The following C10orf90 variants were observed in gnomAD, a reference collection of about 807,000 sequenced individuals.
C10orf90 encodes (E2-independent) E3 ubiquitin-conjugating enzyme FATS.
C10orf90 carries 56 observed loss-of-function variants against 62.5 expected under a neutral mutation model. That is an observed-to-expected ratio of 0.90 (90% CI 0.72 to 1.12). The LOEUF (loss-of-function observed/expected upper bound fraction) is 1.12. Ranked by LOEUF, C10orf90 falls within the 50% of genes most tolerant of loss-of-function variation. The probability of loss-of-function intolerance (pLI) is 0.00; values close to 1 mark genes in which losing one functional copy is unlikely to be tolerated. For synonymous variants in C10orf90, 386 were observed against 340.4 expected (o/e 1.13, Z -1.47); for missense variants, 970 against 880.4 (o/e 1.10, Z -1.29).
intron 7 of C10orf90, among the ~76,000 whole-genome samples, chr10:126,444,558 G>A (rs1858619377): frequency 6.6e-6 from 1 of 152,128 alleles, no homozygotes. Context: ...CATGCTCATG[G>A]ATGGGTAAAA....
intron 2 of C10orf90, among the ~76,000 whole-genome samples, chr10:126,544,922 G>A: frequency 6.6e-6 from 1 of 152,144 alleles, no homozygotes; most frequent in East Asian, 1.9e-4. Flanking sequence ...GGTGACAAAT[G>A]TTGAAGCCAA....
At chr10:126,490,279 C>G (rs1842199704) in intron 4 of C10orf90, among the ~76,000 whole-genome samples, 1 of 150,700 alleles carries the variant, frequency 6.6e-6, no homozygotes, top group African/African-American at 2.4e-5. Flanking sequence ...CACAAAAGAA[C>G]AGATATTGTA....
intron 2 of C10orf90, among the ~76,000 whole-genome samples, chr10:126,516,440 T>C (rs777203390): frequency 1.3e-5 from 2 of 152,214 alleles, no homozygotes; most frequent in African/African-American, 2.4e-5. Flanking sequence ...ATCCCAGATC[T>C]TGTTACTCGT....
chr10:126,443,192 C>T (rs1452441524), intron 7 of C10orf90, among the ~76,000 whole-genome samples: 1 of 151,874 alleles, frequency 6.6e-6, no homozygotes, highest in African/African-American at 2.4e-5. Context: ...TTGAAACACA[C>T]ACATACACAA....
chr10:126,470,611 A>C (rs1418629137), intron 4 of C10orf90, among the ~76,000 whole-genome samples: 1 of 152,132 alleles, frequency 6.6e-6, no homozygotes, highest in Non-Finnish European at 1.5e-5. Context: ...CTAGCCAAGC[A>C]TGGTGGTATG....
intron 7 of C10orf90, among the ~76,000 whole-genome samples, chr10:126,441,228 A>G (rs1035070742): frequency 4.6e-5 from 7 of 152,176 alleles, no homozygotes; most frequent in African/African-American, 7.2e-5. Context: ...ACACTTATAG[A>G]AATGCAAAAT....
chr10:126,462,103 G>A (rs1364519732), intron 5 of C10orf90, among the ~76,000 whole-genome samples: 2 of 152,086 alleles, frequency 1.3e-5, no homozygotes, highest in Admixed American at 1.3e-4. Flanking sequence ...TCTTCCTGGG[G>A]CCATTTTGAC....
At chr10:126,464,039 T>C (rs1490117556) in intron 5 of C10orf90, among the ~76,000 whole-genome samples, 1 of 152,248 alleles carries the variant, frequency 6.6e-6, no homozygotes, top group Non-Finnish European at 1.5e-5. Flanking sequence ...TTTAGAATGA[T>C]AGGAAATGTA....
At chr10:126,568,306 C>T (rs771318007) in intron 2 of C10orf90, among the ~76,000 whole-genome samples, 48 of 152,218 alleles carry the variant, frequency 3.2e-4, no homozygotes, top group Non-Finnish European at 5.1e-4. Context: ...GATCCTCCTC[C>T]CAGCATTTTC....
chr10:126,617,459 C>G (rs749576278), intron 2 of C10orf90, among the ~76,000 whole-genome samples: 2 of 152,236 alleles, frequency 1.3e-5, no homozygotes, highest in Non-Finnish European at 2.9e-5. Flanking sequence ...GGCTTGGATT[C>G]TTCCAAACCA....
intron 2 of C10orf90, among the ~76,000 whole-genome samples, chr10:126,596,135 AT>A (rs1234065719): frequency 1.4e-5 from 2 of 138,296 alleles, no homozygotes; most frequent in Non-Finnish European, 3.0e-5. Flanking sequence ...CCTATCTCTT[AT>A]TTAAAAAAAA....
chr10:126,441,288 C>T (rs1000459904), intron 7 of C10orf90, among the ~76,000 whole-genome samples: 8 of 151,986 alleles, frequency 5.3e-5, no homozygotes, highest in Non-Finnish European at 1.5e-5. Flanking sequence ...GAAAGAAATT[C>T]AGAGCTCAAA....
chr10:126,479,494 G>A (rs1861061088), intron 4 of C10orf90, among the ~76,000 whole-genome samples: 1 of 152,136 alleles, frequency 6.6e-6, no homozygotes, highest in South Asian at 2.1e-4. Context: ...GGTGCTCCTG[G>A]GCGCTGAGCT....
At chr10:126,655,780 C>G (rs1264042791) in intron 1 of C10orf90, among the ~76,000 whole-genome samples, 1 of 149,556 alleles carries the variant, frequency 6.7e-6, no homozygotes, top group African/African-American at 2.5e-5. Flanking sequence ...GACCCTTTAA[C>G]TTTTAACTCA....
chr10:126,543,080 C>T (rs1243350046), intron 2 of C10orf90, among the ~76,000 whole-genome samples: 1 of 152,088 alleles, frequency 6.6e-6, no homozygotes, highest in East Asian at 1.9e-4. Flanking sequence ...CTTAAATCAC[C>T]CATAAATTAC....
At chr10:126,562,177 C>T (rs1469593408) in intron 2 of C10orf90, among the ~76,000 whole-genome samples, 2 of 152,178 alleles carry the variant, frequency 1.3e-5, no homozygotes, top group Non-Finnish European at 2.9e-5. Flanking sequence ...CAGAGGGTCC[C>T]TAATGGAGGG....
intron 1 of C10orf90, among the ~76,000 whole-genome samples, chr10:126,650,210 A>G (rs73370868): frequency 0.094 from 14,256 of 152,166 alleles, 694 homozygotes; most frequent in South Asian, 0.15. Context: ...CTATTTCGTG[A>G]GTGATCATTA....
rs1345176830 is a variant in C10orf90, at chr10:126,504,827, T to G, written c.664A>C (p.Lys222Gln). The G allele has an allele frequency of 1.9e-6, 3 of 1,601,790 alleles. No homozygotes were observed. Among genetic ancestry groups the G allele is most frequent in the African/African-American group, 1.3e-5 (1 of 74,710 alleles). Residue 222 changes from lysine to glutamine, a missense_variant, in exon 4 of 10, where the codon AAA (lysine) becomes CAA (glutamine). Transcript: ENST00000488181. The surrounding 1 kb of genome is among the most constrained non-coding windows in gnomAD (Gnocchi z 4.1). ...GGGCCCCCACAGGGTCTCTCCTCTT[T>G]GGGCGGCAGCTCTGCCTCAGGTCCT... is the stretch of plus-strand genomic sequence containing the variant. ...ERGPEAELPP[K>Q]EERPCGGPRR...
At chr10:126,597,228 A>T (rs544285869) in intron 2 of C10orf90, among the ~76,000 whole-genome samples, 17 of 152,388 alleles carry the variant, frequency 1.1e-4, no homozygotes, top group African/African-American at 4.1e-4. Context: ...AAATGAAAGC[A>T]TATGTCCACA....
Sources: gnomAD v4.1 joint callset for allele counts (sites outside exome capture counted in the v4.1 genomes callset) on GRCh38, gnomAD v4.1.1 for gene constraint, Gnocchi (gnomAD v3.1) non-coding constraint, MANE v1.5 for transcripts, NCBI Gene and HGNC (gene_info 2026-07-23, HGNC 2026-07-21) for gene names.